Variants in EYA2 observed in about 807,000 individuals in gnomAD.
EYA2 encodes the protein protein phosphatase EYA2.
A neutral mutation model predicts 69.2 loss-of-function variants in EYA2; 31 were observed. That is an observed-to-expected ratio of 0.45 (90% CI 0.34 to 0.60). EYA2 has a LOEUF of 0.60. EYA2 is among the 20% of genes least tolerant of loss of function. The pLI is 0.02. For synonymous variants in EYA2, 257 were observed against 279.4 expected, an observed-to-expected ratio of 0.92 and a Z score of 0.80; for missense variants, 622 against 701.2, an observed-to-expected ratio of 0.89 and a Z score of 1.28.
intron 1 of EYA2, among the ~76,000 whole-genome samples, chr20:46,961,217 T>A (rs1979454892): frequency 6.6e-6 from 1 of 152,052 alleles, no homozygotes; most frequent in Non-Finnish European, 1.5e-5. Flanking sequence ...TGCCAGCTAT[T>A]TGGGAGACTG....
At chr20:47,150,829 TTC>T (rs1288840283) in intron 10 of EYA2, among the ~76,000 whole-genome samples, 1 of 151,964 alleles carries the variant, frequency 6.6e-6, no homozygotes, top group African/African-American at 2.4e-5. Context: ...GCGGTTGCAG[TTC>T]TCTCTTCTGC....
chr20:47,086,805 T>G (rs1212144976), intron 7 of EYA2, among the ~76,000 whole-genome samples: 1 of 150,060 alleles, frequency 6.7e-6, no homozygotes, highest in Non-Finnish European at 1.5e-5. Flanking sequence ...TGTTTGTTTT[T>G]TTGTTGTTTT....
At chr20:47,136,187 T>C (rs879503104) in intron 9 of EYA2, among the ~76,000 whole-genome samples, 1 of 152,200 alleles carries the variant, frequency 6.6e-6, no homozygotes, top group Non-Finnish European at 1.5e-5. Flanking sequence ...AGACTTACAA[T>C]ACGGCATAAA....
Position 47,169,170 on chromosome 20 carries a change from C to T in EYA2, c.1010C>T (p.Ser337Leu), listed in dbSNP as rs1306627939. The T allele has an allele frequency of 1.2e-6, 2 of 1,614,030 alleles. No individual in the cohort carries two copies. Among genetic ancestry groups the T allele is most frequent in the Admixed American group, 3.3e-5 (2 of 60,018 alleles). Reference protein sequence around the residue: ...DCDQIHVDDVSSDDNGQDLST... With the variant: ...DCDQIHVDDVLSDDNGQDLST... ...GACCAGATCCACGTTGATGACGTCT[C>T]ATCAGATGACAATGGCCAAGATTTA... is the stretch of plus-strand genomic sequence containing the variant. Residue 337 changes from serine to leucine, a missense_variant, in exon 11 of 16, where the codon TCA (serine) becomes TTA (leucine). This residue lies in a region of EYA2 where 257 missense variants were observed against 351.5 expected (regional missense o/e 0.73). Transcript: ENST00000327619.
intron 9 of EYA2, among the ~76,000 whole-genome samples, chr20:47,100,692 G>C (rs2146524642): frequency 6.6e-6 from 1 of 152,348 alleles, no homozygotes; most frequent in South Asian, 2.1e-4. Flanking sequence ...AGAGCACCCA[G>C]ATCGCCTGTG....
At chr20:47,099,200 G>A (rs1176427179) in intron 9 of EYA2, among the ~76,000 whole-genome samples, 3 of 152,210 alleles carry the variant, frequency 2.0e-5, no homozygotes, top group Non-Finnish European at 4.4e-5. Context: ...TCCATTAAGC[G>A]TTGAAGGCTT....
intron 14 of EYA2, 78 bp from the exon 15 acceptor site, chr20:47,183,213 A>G (rs1418679160): frequency 7.3e-7 from 1 of 1,371,926 alleles, no homozygotes; most frequent in Non-Finnish European, 1.0e-6. Flanking sequence ...GCAGGCACCA[A>G]GCTCTTAATG....
chr20:47,088,647 G>A (rs2146503590), intron 7 of EYA2, among the ~76,000 whole-genome samples: 1 of 152,256 alleles, frequency 6.6e-6, no homozygotes, highest in East Asian at 1.9e-4. Flanking sequence ...GAGTGCAGTG[G>A]CGCTATCATA....
intron 12 of EYA2, among the ~76,000 whole-genome samples, chr20:47,174,969 G>C (rs560191329): frequency 6.6e-6 from 1 of 152,344 alleles, no homozygotes; most frequent in East Asian, 1.9e-4. Context: ...TGCACGGAGG[G>C]AGGAGGGGAG....
intron 1 of EYA2, among the ~76,000 whole-genome samples, chr20:46,908,738 G>T (rs146407167): frequency 2.6e-4 from 39 of 151,866 alleles, no homozygotes; most frequent in Non-Finnish European, 2.8e-4. Flanking sequence ...GAAATGTCCC[G>T]CTTTTAAAAT....
chr20:46,923,979 C>G (rs1985293698), intron 1 of EYA2, among the ~76,000 whole-genome samples: 1 of 152,048 alleles, frequency 6.6e-6, no homozygotes, highest in Non-Finnish European at 1.5e-5. Context: ...TTTTTAACAC[C>G]AAACACTTGC....
Position 47,094,628 on chromosome 20 carries a change from G to T in EYA2, c.805-2457G>T, listed in dbSNP as rs192412321. 3.5e-3 allele frequency among the ~76,000 whole-genome samples: 537 copies of T among 152,324 alleles called. 3 individuals are homozygous for T. The highest frequency in any genetic ancestry group is 5.3e-3 in the Non-Finnish European group (361 of 68,024). On this transcript the variant is annotated intron_variant, in intron 8 of 15. Coordinates refer to ENST00000327619, the MANE Select transcript of EYA2 (RefSeq NM_005244.5). ...GTGGCCCACTCAAGATTGCATACTG[G>T]GGAGGGACATTTGCCTCCCCTTCTC...
In EYA2 at chr20:47,173,509, T is replaced by TAAAAAA. The variant is rs767756028; in HGVS notation, c.1198+660_1198+665dup. On this transcript the variant is annotated intron_variant, in intron 12 of 15. Transcript: ENST00000327619. ...GCCTGGGCAACAAAGTGAGACCCCG[T>TAAAAAA]AAAAAAAAAAAAAAAAAAAAAAACG... 8.4e-3 allele frequency among the ~76,000 whole-genome samples: 701 copies of TAAAAAA among 83,630 alleles called. 85 individuals carry two copies. Among genetic ancestry groups the TAAAAAA allele is most frequent in the African/African-American group, 0.029 (635 of 22,178 alleles). 54.9% of individuals were successfully genotyped at this position (83,630 alleles called of 152,430 possible). A position where few individuals can be genotyped will look rare whatever the true frequency, so the allele number is the denominator to read the frequency against.
At chr20:46,898,632 GT>G (rs2146207704) in intron 1 of EYA2, among the ~76,000 whole-genome samples, 1 of 152,286 alleles carries the variant, frequency 6.6e-6, no homozygotes, top group East Asian at 1.9e-4. Flanking sequence ...TTTGAAGATC[GT>G]AACTGGCCTA....
chr20:47,125,158 A>G (rs1349152845), intron 9 of EYA2, among the ~76,000 whole-genome samples: 1 of 144,294 alleles, frequency 6.9e-6, no homozygotes, highest in South Asian at 2.2e-4. Flanking sequence ...GGTTCACGCC[A>G]TTCTCCTGCC....
chr20:47,181,165 A>T (rs2034530460), intron 14 of EYA2, among the ~76,000 whole-genome samples: 1 of 152,320 alleles, frequency 6.6e-6, no homozygotes, highest in South Asian at 2.1e-4. Flanking sequence ...ATGAGTTCAG[A>T]TACAGGCAAA....
intron 1 of EYA2, among the ~76,000 whole-genome samples, chr20:46,961,319 C>T (rs185843456): frequency 5.8e-4 from 89 of 152,202 alleles, no homozygotes; most frequent in African/African-American, 2.1e-3. Context: ...GAGCGAGACT[C>T]TGTCTCAAAT....
At chr20:47,029,201 C>G (rs1984266275) in intron 5 of EYA2, among the ~76,000 whole-genome samples, 1 of 152,116 alleles carries the variant, frequency 6.6e-6, no homozygotes, top group Non-Finnish European at 1.5e-5. Context: ...TGTAAGAAGG[C>G]AGAAGGGCCA....
chr20:47,025,329 C>G (rs984010446), intron 5 of EYA2, among the ~76,000 whole-genome samples: 3 of 152,130 alleles, frequency 2.0e-5, no homozygotes, highest in Non-Finnish European at 4.4e-5. Flanking sequence ...TTTTAGTGCA[C>G]AGGTTTGCAT....
Sources: gnomAD v4.1 joint callset for allele counts (sites outside exome capture counted in the v4.1 genomes callset) on GRCh38, gnomAD v4.1.1 for gene constraint, gnomAD v4.1.1 regional missense constraint, MANE v1.5 for transcripts, NCBI Gene and HGNC (gene_info 2026-07-23, HGNC 2026-07-21) for gene names.